The following PGS1 variants were observed in gnomAD, a reference collection of about 807,000 sequenced individuals.
The protein encoded by PGS1 is phosphatidylglycerophosphate synthase 1, also known as CDP-diacylglycerol--glycerol-3-phosphate 3-phosphatidyltransferase, mitochondrial.
A neutral mutation model predicts 58.3 loss-of-function variants in PGS1; 44 were observed. That is an observed-to-expected ratio of 0.75 (90% CI 0.59 to 0.97). The LOEUF (loss-of-function observed/expected upper bound fraction) is 0.97, where lower values mean the gene tolerates loss of function less well. PGS1 is among the 50% of genes least tolerant of loss of function. The probability of loss-of-function intolerance (pLI) is 0.00; values close to 1 mark genes in which losing one functional copy is unlikely to be tolerated. For synonymous variants in PGS1, 330 were observed against 311.0 expected (o/e 1.06, Z -0.64); for missense variants, 684 against 731.1 (o/e 0.94, Z 0.74).
At chr17:78,392,911 C>G (rs1719062999) in intron 2 of PGS1, among the ~76,000 whole-genome samples, 1 of 152,144 alleles carries the variant, frequency 6.6e-6, no homozygotes, top group African/African-American at 2.4e-5. Context: ...GGACCTAGAC[C>G]TTATTTTTAT....
rs1462110560 is a variant in PGS1, at chr17:78,403,989, C to T, written c.1302C>T (p.His434=). 9.3e-6 allele frequency: 15 copies of T among 1,613,848 alleles called. No homozygotes were observed. Among genetic ancestry groups the T allele is most frequent in the Non-Finnish European group, 1.3e-5 (15 of 1,179,950 alleles). Residue 434 remains histidine (H), a synonymous_variant, in exon 7 of 10, where the codon CAC becomes CAT. Transcript: ENST00000262764. ...GCGCCATCCCAGCGGCCTATGTGCA[C>T]ATCGAGCGACAGTTCTTCAGTGAGG... ...VAGAIPAAYV[H]IERQFFSEVC...
At chr17:78,383,521 C>CGG (rs1414914341) in intron 1 of PGS1, among the ~76,000 whole-genome samples, 1 of 152,180 alleles carries the variant, frequency 6.6e-6, no homozygotes, top group Admixed American at 6.5e-5. Flanking sequence ...CCACCGTGCC[C>CGG]GGCCTAGACT....
At chr17:78,413,994 G>C (rs568639366) in intron 7 of PGS1, among the ~76,000 whole-genome samples, 6 of 152,330 alleles carry the variant, frequency 3.9e-5, no homozygotes, top group African/African-American at 1.4e-4. Context: ...GCAAAAAGGG[G>C]GATATTGTTC....
intron 6 of PGS1, among the ~76,000 whole-genome samples, chr17:78,401,526 T>C (rs1405882521): frequency 6.6e-6 from 1 of 152,222 alleles, no homozygotes; most frequent in Non-Finnish European, 1.5e-5. Flanking sequence ...CCATGGCCTT[T>C]AGAGAGCTGC....
At chr17:78,409,024 T>C (rs2084399770) in intron 7 of PGS1, among the ~76,000 whole-genome samples, 1 of 152,222 alleles carries the variant, frequency 6.6e-6, no homozygotes, top group Non-Finnish European at 1.5e-5. Flanking sequence ...GGGTTGCCAG[T>C]AAGCTCGCTT....
intron 3 of PGS1, 134 bp downstream of exon 3, chr17:78,396,519 T>C: frequency 1.5e-6 from 1 of 663,618 alleles, no homozygotes; most frequent in Non-Finnish European, 2.6e-6. Flanking sequence ...TTGTTTTTGT[T>C]GCCCCAGATA....
intron 7 of PGS1, among the ~76,000 whole-genome samples, chr17:78,411,591 T>C (rs2084696680): frequency 6.6e-6 from 1 of 152,198 alleles, no homozygotes; most frequent in African/African-American, 2.4e-5. Context: ...CAAAAGCACT[T>C]GGTCCGCAGA....
rs2085031245 is a variant in PGS1, at chr17:78,414,788, C to T, written c.1403-91C>T. On this transcript the variant is annotated intron_variant, in intron 7 of 9. Transcript: ENST00000262764. Reference sequence around the variant, plus strand: ...CTCGTGTCCAGGCACCCAGGGCAGGCCGCCTTTCTCTTAGATTGCAGCAGC... The same window carrying T: ...CTCGTGTCCAGGCACCCAGGGCAGGTCGCCTTTCTCTTAGATTGCAGCAGC... 1.8e-5 allele frequency: 26 copies of T among 1,464,972 alleles called. No individual in the cohort carries two copies. In the South Asian group the frequency reaches 3.2e-4, roughly 18 times the overall value. 90.7% of individuals were successfully genotyped at this position (1,464,972 alleles called of 1,614,324 possible).
At chr17:78,387,587 T>C (rs539427366) in intron 1 of PGS1, among the ~76,000 whole-genome samples, 12 of 143,364 alleles carry the variant, frequency 8.4e-5, no homozygotes, top group East Asian at 2.1e-4. Flanking sequence ...GTGTGAGCCA[T>C]CGCGCCCAGC....
intron 6 of PGS1, among the ~76,000 whole-genome samples, chr17:78,401,612 C>T (rs574608829): frequency 1.6e-4 from 25 of 152,254 alleles, no homozygotes; most frequent in Non-Finnish European, 2.8e-4. Flanking sequence ...GAGCTCTCTG[C>T]GTCTTGTGGA....
In PGS1 at chr17:78,403,920, C is replaced by T; in HGVS notation, c.1233C>T (p.Ala411=). The change falls in exon 7 of 10, where the codon GCC becomes GCT. Residue 411 remains alanine (A), a synonymous_variant. Transcript: ENST00000262764. ...GTRAEYQILL[A]SPEVNGFFGA... ...GGGCTGAGTACCAGATCCTGCTGGC[C>T]TCACCAGAGGTGAATGGCTTCTTTG... The T allele has an allele frequency of 1.2e-6, 2 of 1,614,212 alleles. No homozygotes were observed. Among genetic ancestry groups the T allele is most frequent in the Admixed American group, 1.7e-5 (1 of 60,028 alleles).
At chr17:78,397,822 C>T (rs1209930136) in intron 3 of PGS1, among the ~76,000 whole-genome samples, 5 of 152,176 alleles carry the variant, frequency 3.3e-5, no homozygotes, top group East Asian at 3.8e-4. Context: ...GTCCGCACTG[C>T]GGAGAGTGGC....
At chr17:78,423,474 C>CCTG (rs2086139965) in intron 9 of PGS1, among the ~76,000 whole-genome samples, 4 of 152,204 alleles carry the variant, frequency 2.6e-5, no homozygotes, top group Admixed American at 6.5e-5. Context: ...CCCTCATTGG[C>CCTG]AGGTGGTTTG....
In PGS1 at chr17:78,386,179, G is replaced by A. The variant is rs376222105; in HGVS notation, c.144-6297G>A. On this transcript the variant is annotated intron_variant, in intron 1 of 9. Transcript: ENST00000262764. Reference sequence around the variant, plus strand: ...GGTGGCTGGAGCCGGGCCACGGGCTGGTCCTCTGAGAAGATGCTGGTCTCA... The same window carrying A: ...GGTGGCTGGAGCCGGGCCACGGGCTAGTCCTCTGAGAAGATGCTGGTCTCA... Among the ~76,000 whole-genome samples, 24 of 152,336 alleles carry A rather than the reference G, an allele frequency of 1.6e-4. No homozygotes were observed. The East Asian group carries it at 4.4e-3, about 28-fold the overall frequency.
Position 78,403,762 on chromosome 17 carries a change from C to A in PGS1, c.1075C>A (p.Pro359Thr), listed in dbSNP as rs755285138. The A allele has an allele frequency of 1.2e-6, 2 of 1,614,216 alleles. No individual in the cohort carries two copies. Among genetic ancestry groups the A allele is most frequent in the South Asian group, 1.1e-5 (1 of 91,078 alleles). Reference protein sequence around the residue: ...TWIYPLIQMKPFEIQIDEIVT... With the variant: ...TWIYPLIQMKTFEIQIDEIVT... ...GATTTATCCGCTGATTCAGATGAAG[C>A]CCTTCGAGATTCAAATCGATGAGAT... Residue 359 changes from proline to threonine, a missense_variant, in exon 7 of 10, where the codon CCC becomes ACC. Coordinates refer to ENST00000262764, the MANE Select transcript of PGS1 (RefSeq NM_024419.5).
rs1055541386 is a variant in PGS1, at chr17:78,378,767, G to A, written c.102G>A (p.Leu34=). The A allele has an allele frequency of 6.7e-7, 1 of 1,494,244 alleles. No homozygotes were observed. Among genetic ancestry groups the A allele is most frequent in the Non-Finnish European group, 8.9e-7 (1 of 1,128,976 alleles). 92.6% of individuals were successfully genotyped at this position (1,494,244 alleles called of 1,614,324 possible). A position where few individuals can be genotyped will look rare whatever the true frequency, so the allele number is the denominator to read the frequency against. Residue 34 remains leucine (L), a synonymous_variant, in exon 1 of 10, where the codon CTG becomes CTA. Transcript: ENST00000262764. ...GGCTGGCCGCGCTCCTGGGACGCCT[G>A]TCCGACCGCCTCGGCAGGAACCGGG... The part of the protein sequence containing the change: ...RPGLAALLGR[L]SDRLGRNRDR...
At chr17:78,409,150 A>G (rs1349298891) in intron 7 of PGS1, among the ~76,000 whole-genome samples, 1 of 152,242 alleles carries the variant, frequency 6.6e-6, no homozygotes, top group Non-Finnish European at 1.5e-5. Flanking sequence ...AGTGGTGCCC[A>G]TCCCATTATC....
intron 6 of PGS1, among the ~76,000 whole-genome samples, chr17:78,402,385 G>C (rs1483799369): frequency 1.4e-5 from 2 of 140,046 alleles, no homozygotes; most frequent in African/African-American, 5.3e-5. Context: ...TTTCATTCTA[G>C]TAATTTCTAT....
At chr17:78,386,825 T>A (rs559469161) in intron 1 of PGS1, among the ~76,000 whole-genome samples, 1 of 152,306 alleles carries the variant, frequency 6.6e-6, no homozygotes, top group East Asian at 1.9e-4. Flanking sequence ...AGCCGGGAAC[T>A]GACCCCCATG....
Sources: allele counts gnomAD v4.1 joint callset (sites outside exome capture counted in the v4.1 genomes callset), GRCh38; gene constraint gnomAD v4.1.1; transcripts MANE v1.5; gene names NCBI Gene and HGNC (gene_info 2026-07-23, HGNC 2026-07-21).